The following PTPRQ variants were observed in gnomAD, a reference collection of about 807,000 sequenced individuals.
PTPRQ encodes the protein phosphatidylinositol phosphatase PTPRQ.
In PTPRQ, 199 loss-of-function variants were observed where a neutral mutation model predicts 246.0. That is an observed-to-expected ratio of 0.81 (90% confidence interval 0.72 to 0.91). The LOEUF (loss-of-function observed/expected upper bound fraction) is 0.91. Among genes scored for constraint, PTPRQ ranks in the 40% least tolerant of loss-of-function variants. The pLI, the probability that PTPRQ is intolerant of heterozygous loss-of-function variation, is 0.00. For synonymous variants in PTPRQ, 869 were observed against 853.2 expected, an observed-to-expected ratio of 1.02 and a Z score of -0.32; for missense variants, 2,624 against 2,528.4, an observed-to-expected ratio of 1.04 and a Z score of -0.81.
intron 8 of PTPRQ, among the ~76,000 whole-genome samples, chr12:80,478,583 A>G (rs1893910308): frequency 6.6e-6 from 1 of 152,206 alleles, no homozygotes; most frequent in South Asian, 2.1e-4. Context: ...ACTCTGAGCT[A>G]CAGGAGGACA....
intron 35 of PTPRQ, among the ~76,000 whole-genome samples, chr12:80,646,552 A>C (rs1900080282): frequency 6.6e-6 from 1 of 152,144 alleles, no homozygotes; most frequent in Admixed American, 6.5e-5. Context: ...TGTTTCTTGG[A>C]ATATTTACCC....
At chr12:80,643,565 A>G (rs1012998207) in intron 35 of PTPRQ, among the ~76,000 whole-genome samples, 4 of 152,216 alleles carry the variant, frequency 2.6e-5, no homozygotes, top group African/African-American at 9.7e-5. Context: ...GCACCACGGA[A>G]ACATCAATGA....
intron 38 of PTPRQ, among the ~76,000 whole-genome samples, chr12:80,656,006 C>T (rs1303779535): frequency 6.6e-6 from 1 of 152,050 alleles, no homozygotes; most frequent in East Asian, 1.9e-4. Flanking sequence ...TCCAACACCA[C>T]AAAGAAAAGT....
At chr12:80,632,885 G>T (rs1485753094) in intron 34 of PTPRQ, among the ~76,000 whole-genome samples, 1 of 152,138 alleles carries the variant, frequency 6.6e-6, no homozygotes, top group Non-Finnish European at 1.5e-5. Flanking sequence ...TACTACTTGA[G>T]ACTGTTCACG....
chr12:80,670,674 A>G (rs1409016273), intron 42 of PTPRQ, among the ~76,000 whole-genome samples, 182 bp downstream of exon 42: 2 of 152,244 alleles, frequency 1.3e-5, no homozygotes, highest in East Asian at 3.9e-4. Context: ...ATAGATCTAA[A>G]CCAGTCTTGA....
intron 26 of PTPRQ, among the ~76,000 whole-genome samples, chr12:80,596,533 A>G (rs934462635): frequency 7.2e-5 from 11 of 152,032 alleles, no homozygotes; most frequent in Admixed American, 1.3e-4. Context: ...TTAAACTTCA[A>G]ATGAATTCTC....
chr12:80,628,189 G>C (rs149730720), intron 33 of PTPRQ, among the ~76,000 whole-genome samples: 1 of 151,922 alleles, frequency 6.6e-6, no homozygotes, highest in African/African-American at 2.4e-5. Flanking sequence ...CAAACCGTTC[G>C]TATTTTAATG....
intron 10 of PTPRQ, among the ~76,000 whole-genome samples, chr12:80,494,683 T>C (rs534511169): frequency 6.6e-6 from 1 of 152,030 alleles, no homozygotes; most frequent in African/African-American, 2.4e-5. Flanking sequence ...AAAATTATAT[T>C]ATGAACACAA....
chr12:80,493,417 C>T lies in PTPRQ; in HGVS notation c.1502C>T (p.Pro501Leu). Residue 501 changes from proline to leucine, a missense_variant, in exon 10 of 45, where the codon CCT (proline) becomes CTT (leucine). Transcript: ENST00000644991. ...AACAGCCATCCAGATAAAAACTTTC[C>T]TGCAAGGAATAGAGCTGAAGACCAG... is the stretch of plus-strand genomic sequence containing the variant. ...IYNSHPDKNF[P>L]ARNRAEDQTS... 6.5e-7 allele frequency: 1 copy of T among 1,549,974 alleles called. No homozygotes were observed. The highest frequency in any genetic ancestry group is 1.2e-5 in the South Asian group (1 of 83,984).
At chr12:80,675,373 G>A (rs929058344) in intron 43 of PTPRQ, among the ~76,000 whole-genome samples, 1 of 152,110 alleles carries the variant, frequency 6.6e-6, no homozygotes, top group Non-Finnish European at 1.5e-5. Context: ...GTCTTATGAA[G>A]GTTCTAATAT....
chr12:80,506,446 T>C, intron 15 of PTPRQ, 123 bp from the exon 16 acceptor site: 1 of 886,048 alleles, frequency 1.1e-6, no homozygotes, highest in African/African-American at 1.7e-5. Context: ...TGCCAAAGAA[T>C]GACATTTTCA....
intron 35 of PTPRQ, among the ~76,000 whole-genome samples, chr12:80,638,397 A>T (rs1266418689): frequency 1.3e-5 from 2 of 151,966 alleles, no homozygotes; most frequent in Non-Finnish European, 2.9e-5. Flanking sequence ...TGAGTCCTGT[A>T]TGTTTTCCCA....
At chr12:80,632,989 G>A (rs1452835356) in intron 34 of PTPRQ, among the ~76,000 whole-genome samples, 1 of 152,122 alleles carries the variant, frequency 6.6e-6, no homozygotes, top group Non-Finnish European at 1.5e-5. Flanking sequence ...ATGCAGGATT[G>A]GATCCCACAA....
intron 9 of PTPRQ, 116 bp from the exon 10 acceptor site, chr12:80,493,159 T>A (rs1335356687): frequency 8.5e-7 from 1 of 1,170,990 alleles, no homozygotes; most frequent in Non-Finnish European, 1.1e-6. Flanking sequence ...CATGGAAATA[T>A]GTTATCTTTT....
chr12:80,662,030 GT>G (rs1900650126), intron 39 of PTPRQ, among the ~76,000 whole-genome samples: 2 of 151,830 alleles, frequency 1.3e-5, no homozygotes, highest in South Asian at 4.1e-4. Context: ...CCTATACATT[GT>G]TTTCATTATT....
chr12:80,554,912 T>G (rs1896600285), intron 25 of PTPRQ, among the ~76,000 whole-genome samples: 2 of 152,000 alleles, frequency 1.3e-5, no homozygotes, highest in African/African-American at 2.4e-5. Context: ...CCAGCTTATT[T>G]TTTGTTTGTT....
In PTPRQ at chr12:80,642,926, A is replaced by AC. The variant is rs1565836876; in HGVS notation, c.5916-5971_5916-5970insC. On this transcript the variant is annotated intron_variant, in intron 35 of 44. Transcript: ENST00000644991. ...CAGAGCGAGACTCCGTCTTAAAAAA[A>AC]AAAAAAAAAAAAAAAAAAAACAATT... 6.1e-4 allele frequency among the ~76,000 whole-genome samples: 90 copies of AC among 147,494 alleles called. 2 individuals are homozygous for AC. Among genetic ancestry groups the AC allele is most frequent in the African/African-American group, 2.1e-3 (80 of 38,872 alleles).
At chr12:80,590,801 C>T (rs1458569853) in intron 26 of PTPRQ, among the ~76,000 whole-genome samples, 1 of 151,842 alleles carries the variant, frequency 6.6e-6, no homozygotes, top group East Asian at 1.9e-4. Flanking sequence ...TATTTATAGC[C>T]ATGTTTCCCC....
At position 80,493,382 on chromosome 12, in the gene PTPRQ, A is replaced by G. The variant is rs904126899; in HGVS notation, c.1467A>G (p.Thr489=). The G allele has an allele frequency of 1.4e-5, 22 of 1,550,126 alleles. No homozygotes were observed. In the African/African-American group the frequency reaches 2.2e-4, roughly 15 times the overall value. ...CGTCTGACCTTCACTCACTTGCTAC[A>G]TTTATATATAACAGCCATCCAGATA... ...EMSSDLHSLA[T]FIYNSHPDKN... The change falls in exon 10 of 45, where the codon ACA becomes ACG. Residue 489 remains threonine (T), a synonymous_variant. Coordinates refer to ENST00000644991, the MANE Select transcript of PTPRQ (RefSeq NM_001145026.2).
Sources: allele counts gnomAD v4.1 joint callset (sites outside exome capture counted in the v4.1 genomes callset), GRCh38; gene constraint gnomAD v4.1.1; transcripts MANE v1.5; gene names NCBI Gene and HGNC (gene_info 2026-07-23, HGNC 2026-07-21).